The following AGBL4 variants were observed in gnomAD, a reference collection of about 807,000 sequenced individuals.
AGBL4 encodes cytosolic carboxypeptidase 6.
Under a neutral mutation model 66.4 loss-of-function variants are expected in AGBL4, and 58 were observed. The ratio of observed to expected loss-of-function variants is 0.87; its 90% CI spans 0.71 to 1.09. AGBL4 has a LOEUF of 1.09. AGBL4 is among the 50% of genes least tolerant of loss of function. The pLI is 0.00. For synonymous variants in AGBL4, 234 were observed against 222.9 expected (o/e 1.05, Z -0.44); for missense variants, 579 against 631.0 (o/e 0.92, Z 0.88).
intron 3 of AGBL4, among the ~76,000 whole-genome samples, chr1:49,431,377 GA>G (rs1007499375): frequency 7.2e-5 from 11 of 152,168 alleles, no homozygotes; most frequent in African/African-American, 2.4e-4. Flanking sequence ...TTGATTAGAT[GA>G]AATCAAATAT....
At chr1:49,368,377 T>C in intron 3 of AGBL4, among the ~76,000 whole-genome samples, 1 of 152,170 alleles carries the variant, frequency 6.6e-6, no homozygotes, top group East Asian at 1.9e-4. Context: ...CCACCAGCAG[T>C]TTATGAGGTT....
chr1:48,824,545 C>T (rs1332829324), intron 6 of AGBL4, among the ~76,000 whole-genome samples: 1 of 152,076 alleles, frequency 6.6e-6, no homozygotes, highest in East Asian at 1.9e-4. Context: ...TCACACAAGG[C>T]TTTATTAGCT....
At chr1:48,650,460 TCC>T (rs752445210) in intron 8 of AGBL4, among the ~76,000 whole-genome samples, 1 of 148,854 alleles carries the variant, frequency 6.7e-6, no homozygotes, top group South Asian at 2.1e-4. Context: ...CTTCCTTCCT[TCC>T]TTCCTTCCTT....
At chr1:49,265,413 T>C (rs570601581) in intron 3 of AGBL4, among the ~76,000 whole-genome samples, 19 of 152,320 alleles carry the variant, frequency 1.2e-4, no homozygotes, top group African/African-American at 4.3e-4. Flanking sequence ...GTTATATAGA[T>C]AATATGGTAT....
chr1:49,379,751 C>A (rs1396254399), intron 3 of AGBL4, among the ~76,000 whole-genome samples: 1 of 151,904 alleles, frequency 6.6e-6, no homozygotes, highest in Non-Finnish European at 1.5e-5. Flanking sequence ...GGTGGATAAG[C>A]TTTTTGATGT....
At chr1:49,142,218 C>A (rs551064131) in intron 4 of AGBL4, among the ~76,000 whole-genome samples, 1 of 152,234 alleles carries the variant, frequency 6.6e-6, no homozygotes, top group Non-Finnish European at 1.5e-5. Flanking sequence ...TGTTTCTGGT[C>A]CATGGAAAAA....
chr1:49,129,540 A>C (rs1426260724), intron 4 of AGBL4, among the ~76,000 whole-genome samples: 2 of 144,856 alleles, frequency 1.4e-5, no homozygotes, highest in Non-Finnish European at 3.0e-5. Flanking sequence ...TTCAATTCCC[A>C]CCTATGAGTG....
intron 3 of AGBL4, among the ~76,000 whole-genome samples, chr1:49,314,013 A>G (rs1644991851): frequency 6.6e-6 from 1 of 151,986 alleles, no homozygotes; most frequent in Admixed American, 6.6e-5. Context: ...CTTACGTTTA[A>G]CTCCTTAATC....
chr1:48,551,393 ATACCCAG>A (rs996463640), intron 11 of AGBL4, among the ~76,000 whole-genome samples: 31 of 152,300 alleles, frequency 2.0e-4, no homozygotes, highest in Admixed American at 1.8e-3. Flanking sequence ...TATATCCAAG[ATACCCAG>A]TACAATGCTG....
chr1:48,669,086 G>T (rs567961690), intron 6 of AGBL4, among the ~76,000 whole-genome samples: 54 of 152,276 alleles, frequency 3.5e-4, no homozygotes, highest in African/African-American at 1.3e-3. Context: ...GGGGTCAAAT[G>T]AAAAGTCAGC....
At chr1:49,985,713 C>T (rs555299202) in intron 1 of AGBL4, among the ~76,000 whole-genome samples, 2 of 152,254 alleles carry the variant, frequency 1.3e-5, no homozygotes, top group South Asian at 2.1e-4. Flanking sequence ...ATTTTACCTA[C>T]AGATGTTCAG....
In AGBL4 at chr1:48,736,542, AC is replaced by A; in HGVS notation, c.635-73302del. On this transcript the variant is annotated intron_variant, in intron 6 of 13. Coordinates refer to ENST00000371839, the MANE Select transcript of AGBL4 (RefSeq NM_032785.4). This position sits in a 1 kb window ranked among gnomAD's most constrained non-coding sequence, Gnocchi z 4.0. ...GTCCTTTAAAAAGCATTGCTGCACA[AC>A]TGTAAGAGATTCATGTCATAAATAT... is the stretch of plus-strand genomic sequence containing the variant. 9.2e-7 allele frequency: 1 copy of A among 1,086,838 alleles called. No homozygotes were observed. 67.3% of individuals were successfully genotyped at this position (1,086,838 alleles called of 1,614,324 possible).
At chr1:48,886,272 T>C (rs1444537018) in intron 5 of AGBL4, among the ~76,000 whole-genome samples, 1 of 152,160 alleles carries the variant, frequency 6.6e-6, no homozygotes, top group East Asian at 1.9e-4. Flanking sequence ...GTTGTGCATG[T>C]AGAAAGCTGG....
At position 49,111,334 on chromosome 1, in the gene AGBL4, A is replaced by T. The variant is rs143995011; in HGVS notation, c.378-65534T>A. On this transcript the variant is annotated intron_variant, in intron 4 of 13. Coordinates refer to ENST00000371839, the MANE Select transcript of AGBL4 (RefSeq NM_032785.4). ...TCACCGTGTTAGCCAGGATGGTCTC[A>T]ATCTCCTGACCTCCTGATCCGCCCG... Among the ~76,000 whole-genome samples, 233 of 152,138 alleles carry T rather than the reference A, an allele frequency of 1.5e-3. 2 individuals are homozygous for T. The highest frequency in any genetic ancestry group is 5.5e-3 in the African/African-American group (227 of 41,516).
intron 1 of AGBL4, among the ~76,000 whole-genome samples, chr1:49,978,901 T>C (rs550504196): frequency 1.3e-5 from 2 of 152,306 alleles, no homozygotes; most frequent in Admixed American, 6.5e-5. Flanking sequence ...AAAAATAACA[T>C]ACAGTTGGCC....
intron 3 of AGBL4, among the ~76,000 whole-genome samples, chr1:49,619,321 A>T (rs983031068): frequency 2.6e-5 from 4 of 152,194 alleles, no homozygotes; most frequent in African/African-American, 7.2e-5. Context: ...CCTATACACC[A>T]ATAATAGGCA....
rs537663509 is a variant in AGBL4 at position 49,749,925 on chromosome 1, A to T, written c.158-52488T>A. On this transcript the variant is annotated intron_variant, in intron 2 of 13. Coordinates refer to ENST00000371839, the MANE Select transcript of AGBL4 (RefSeq NM_032785.4). Reference sequence around the variant, plus strand: ...TAGTGAAAACTGTTATAAATGTAGTAATCAAGACAGTTTGGTATTTCAAAA... The same window carrying T: ...TAGTGAAAACTGTTATAAATGTAGTTATCAAGACAGTTTGGTATTTCAAAA... Among the ~76,000 whole-genome samples the T allele has an allele frequency of 9.8e-5, 15 of 152,302 alleles. 1 individual carries two copies. The highest frequency in any genetic ancestry group is 5.2e-4 in the Admixed American group (8 of 15,286).
At chr1:49,845,996 C>A in intron 2 of AGBL4, 2 of 1,590,604 alleles carry the variant, frequency 1.3e-6, no homozygotes, top group Non-Finnish European at 1.7e-6. Flanking sequence ...TGAGGAGAAG[C>A]CCTACAAATG....
chr1:49,803,316 T>C (rs1315228938), intron 2 of AGBL4, among the ~76,000 whole-genome samples: 16 of 152,122 alleles, frequency 1.1e-4, no homozygotes, highest in Admixed American at 1.0e-3. Context: ...CCTAGTCATA[T>C]AACAGAGTTG....
Sources: gnomAD v4.1 joint callset for allele counts (sites outside exome capture counted in the v4.1 genomes callset) on GRCh38, gnomAD v4.1.1 for gene constraint, Gnocchi (gnomAD v3.1) non-coding constraint, MANE v1.5 for transcripts, NCBI Gene and HGNC (gene_info 2026-07-23, HGNC 2026-07-21) for gene names.